ANO4: variants seen among roughly 807,000 people sequenced by gnomAD.
ANO4 encodes the protein anoctamin-4.
ANO4 carries 69 observed loss-of-function variants against 141.9 expected under a neutral mutation model. The ratio of observed to expected loss-of-function variants is 0.49; its 90% CI spans 0.40 to 0.59. The LOEUF (loss-of-function observed/expected upper bound fraction) is 0.59, where lower values mean the gene tolerates loss of function less well. Ranked by LOEUF, ANO4 falls within the 20% of genes least tolerant of loss-of-function variation. The pLI, the probability that ANO4 is intolerant of heterozygous loss-of-function variation, is 0.00. For synonymous variants in ANO4, 350 were observed against 394.3 expected, an observed-to-expected ratio of 0.89 and a Z score of 1.33; for missense variants, 894 against 1,162.2, an observed-to-expected ratio of 0.77 and a Z score of 3.36.
At chr12:100,830,746 C>T (rs563462954) in intron 1 of ANO4, among the ~76,000 whole-genome samples, 5 of 152,164 alleles carry the variant, frequency 3.3e-5, no homozygotes, top group East Asian at 3.9e-4. Flanking sequence ...GCTGAGATAA[C>T]GTTTCTTACA....
At chr12:101,035,624 G>C (rs2047162416) in intron 9 of ANO4, among the ~76,000 whole-genome samples, 1 of 152,152 alleles carries the variant, frequency 6.6e-6, no homozygotes. Flanking sequence ...CTTTTCCAAA[G>C]TCATACCACT....
intron 1 of ANO4, among the ~76,000 whole-genome samples, chr12:100,809,997 G>A (rs751839741): frequency 6.6e-6 from 1 of 152,146 alleles, no homozygotes; most frequent in Non-Finnish European, 1.5e-5. Context: ...TGCTAGGCAT[G>A]CAGCAGTGTG....
intron 5 of ANO4, among the ~76,000 whole-genome samples, chr12:100,965,819 G>A (rs1226597887): frequency 2.0e-5 from 3 of 151,878 alleles, no homozygotes; most frequent in Non-Finnish European, 4.4e-5. Flanking sequence ...GTTCTTTTCT[G>A]CCACAGAACT....
intron 1 of ANO4, among the ~76,000 whole-genome samples, chr12:100,885,934 A>G (rs10860653): frequency 0.3 from 45,866 of 152,044 alleles, 7,106 homozygotes; most frequent in Middle Eastern, 0.43. Context: ...GGGGAGCCAC[A>G]AAGCTGAACT....
intron 1 of ANO4, among the ~76,000 whole-genome samples, chr12:100,724,831 C>T (rs1255229225): frequency 1.3e-5 from 2 of 152,180 alleles, no homozygotes; most frequent in African/African-American, 4.8e-5. Flanking sequence ...TATTAACTTA[C>T]ACAGCAAACA....
intron 3 of ANO4, among the ~76,000 whole-genome samples, chr12:100,933,615 A>G (rs2042169673): frequency 6.6e-6 from 1 of 152,192 alleles, no homozygotes; most frequent in South Asian, 2.1e-4. Flanking sequence ...CATGATTTAT[A>G]ATCCTTTAGG....
chr12:100,781,489 C>T (rs927327655), intron 3 of ANO4, among the ~76,000 whole-genome samples: 3 of 152,134 alleles, frequency 2.0e-5, no homozygotes, highest in African/African-American at 7.2e-5. Flanking sequence ...TATAGTCCCC[C>T]TGCTTTGGAT....
intron 13 of ANO4, 41 bp from the exon 14 acceptor site, chr12:101,048,300 A>G (rs774186429): frequency 2.5e-5 from 40 of 1,590,770 alleles, no homozygotes; most frequent in Admixed American, 3.4e-5. Context: ...GGAATATCAT[A>G]TATGAGAAAT....
In ANO4 at chr12:100,944,416, G is replaced by GA. The variant is rs370326377; in HGVS notation, c.456+1887dup. Among the ~76,000 whole-genome samples, 106 of 152,118 alleles carry GA rather than the reference G, an allele frequency of 7.0e-4. 1 individual carries two copies. In the East Asian group the frequency reaches 0.018, roughly 25 times the overall value. ...CAGGTATTTATTTTAATGTGTACTG[G>GA]AAAAAATAGCAATTGGAAAAAGGGA... On this transcript the variant is annotated intron_variant, in intron 5 of 27. Transcript: ENST00000392977.
chr12:100,919,718 A>G (rs374475292), intron 2 of ANO4, among the ~76,000 whole-genome samples: 4,819 of 122,876 alleles, frequency 0.039, 113 homozygotes, highest in Non-Finnish European at 0.055. Flanking sequence ...GTATGTATGT[A>G]TGTATGTGTG....
chr12:100,837,604 C>T (rs551467407), intron 1 of ANO4, among the ~76,000 whole-genome samples: 2 of 151,452 alleles, frequency 1.3e-5, no homozygotes, highest in South Asian at 2.1e-4. Flanking sequence ...AGTGAGACCA[C>T]TTCTGTTAAA....
chr12:101,080,611 C>T (rs1389905685), intron 15 of ANO4, among the ~76,000 whole-genome samples: 3 of 151,888 alleles, frequency 2.0e-5, no homozygotes, highest in Admixed American at 6.6e-5. Context: ...CCTGTGTCTT[C>T]AGGCCAGGAG....
At chr12:101,027,445 T>C (rs1007276961) in intron 9 of ANO4, among the ~76,000 whole-genome samples, 2 of 152,306 alleles carry the variant, frequency 1.3e-5, no homozygotes, top group Admixed American at 6.5e-5. Flanking sequence ...GACTCATAAC[T>C]GCCTGATAAG....
chr12:101,069,356 A>G (rs551010076), intron 14 of ANO4: 88 of 593,056 alleles, frequency 1.5e-4, no homozygotes, highest in Non-Finnish European at 2.3e-4. Flanking sequence ...ATGTGAATAA[A>G]TATTTTGATT....
intron 26 of ANO4, 126 bp from the exon 27 acceptor site, chr12:101,126,753 C>A: frequency 1.3e-6 from 1 of 784,272 alleles, no homozygotes. Context: ...GCATTACACA[C>A]GCCTCCCCTG....
chr12:101,013,640 T>C (rs1662447358), intron 8 of ANO4, among the ~76,000 whole-genome samples: 1 of 152,244 alleles, frequency 6.6e-6, no homozygotes, highest in African/African-American at 2.4e-5. Flanking sequence ...CAGCCACATG[T>C]AGCTACTTAA....
At chr12:101,103,999 A>G (rs998448798) in intron 22 of ANO4, among the ~76,000 whole-genome samples, 3 of 151,888 alleles carry the variant, frequency 2.0e-5, no homozygotes, top group East Asian at 1.9e-4. Context: ...TGTTCATTTC[A>G]TCTAAATTTT....
chr12:100,836,775 A>G (rs1312679666), intron 1 of ANO4, among the ~76,000 whole-genome samples: 1 of 152,108 alleles, frequency 6.6e-6, no homozygotes, highest in African/African-American at 2.4e-5. Flanking sequence ...AAATGATGGC[A>G]CTTGAAGAGA....
intron 5 of ANO4, among the ~76,000 whole-genome samples, chr12:100,970,639 CCCTT>C: frequency 6.8e-6 from 1 of 146,222 alleles, no homozygotes; most frequent in Non-Finnish European, 1.5e-5. Context: ...TTCCCTCCCT[CCCTT>C]CCTCCCTCCC....
Sources: allele counts gnomAD v4.1 joint callset (sites outside exome capture counted in the v4.1 genomes callset), GRCh38; gene constraint gnomAD v4.1.1; transcripts MANE v1.5; gene names NCBI Gene and HGNC (gene_info 2026-07-23, HGNC 2026-07-21).